Variants in SLC39A11 observed in about 807,000 individuals in gnomAD.
The protein encoded by SLC39A11 is solute carrier family 39 member 11.
Under a neutral mutation model 36.1 loss-of-function variants are expected in SLC39A11, and 33 were observed. That is an observed-to-expected ratio of 0.91 (90% CI 0.69 to 1.22). SLC39A11 has a LOEUF of 1.22. SLC39A11 is among the 50% of genes most tolerant of loss of function. The pLI is 0.00. For missense variants in SLC39A11, 432 were observed against 430.3 expected, an observed-to-expected ratio of 1.00 and a Z score of -0.03; for synonymous variants, 166 against 170.3, an observed-to-expected ratio of 0.97 and a Z score of 0.20.
intron 4 of SLC39A11, among the ~76,000 whole-genome samples, chr17:72,966,664 G>A (rs1168119974): frequency 6.6e-6 from 1 of 152,076 alleles, no homozygotes; most frequent in African/African-American, 2.4e-5. Flanking sequence ...CCACCTCCCG[G>A]GTTCACGCCA....
chr17:72,799,438 G>T (rs2077010278), intron 6 of SLC39A11, among the ~76,000 whole-genome samples: 1 of 152,052 alleles, frequency 6.6e-6, no homozygotes, highest in Non-Finnish European at 1.5e-5. Context: ...TGCCTGTGGG[G>T]TCGGGCAAAA....
At chr17:72,716,274 G>A (rs1417485488) in intron 7 of SLC39A11, among the ~76,000 whole-genome samples, 1 of 152,048 alleles carries the variant, frequency 6.6e-6, no homozygotes, top group African/African-American at 2.4e-5. Flanking sequence ...ACGGAAGAAA[G>A]GAAATTCGTC....
chr17:72,965,434 A>G (rs1421716164), intron 4 of SLC39A11, among the ~76,000 whole-genome samples: 2 of 152,186 alleles, frequency 1.3e-5, no homozygotes, highest in African/African-American at 4.8e-5. Flanking sequence ...CTGCACTTTG[A>G]ATACCTATAC....
intron 5 of SLC39A11, among the ~76,000 whole-genome samples, chr17:72,903,155 A>G (rs1326555471): frequency 6.6e-6 from 1 of 151,846 alleles, no homozygotes; most frequent in Non-Finnish European, 1.5e-5. Context: ...AATCCCAGCT[A>G]CTTGAGGAAC....
At position 73,056,165 on chromosome 17, in the gene SLC39A11, TTTTG is replaced by T. The variant is rs1269530372; in HGVS notation, c.148-24455_148-24452del. Among the ~76,000 whole-genome samples the T allele has an allele frequency of 4.0e-5, 6 of 151,624 alleles. No individual in the cohort carries two copies. In the East Asian group the frequency reaches 7.8e-4, roughly 20 times the overall value. On this transcript the variant is annotated intron_variant, in intron 3 of 9. Transcript: ENST00000255559. ...ATGCCTCTCAGATTGGACTCTGGTTTTTTGTTTGTTTGTTTTTTTTTGAGACGGA... is the reference window on the plus strand; with the variant it reads ...ATGCCTCTCAGATTGGACTCTGGTTTTTTGTTTGTTTTTTTTTGAGACGGA...
chr17:72,721,537 T>A (rs1434704593), intron 7 of SLC39A11, among the ~76,000 whole-genome samples: 2 of 152,298 alleles, frequency 1.3e-5, no homozygotes, highest in East Asian at 3.9e-4. Flanking sequence ...AGCACAGGAC[T>A]GGGCACACAA....
At chr17:73,068,107 AG>A in intron 3 of SLC39A11, 3 of 1,396,982 alleles carry the variant, frequency 2.1e-6, no homozygotes, top group Non-Finnish European at 2.0e-6. Flanking sequence ...TATCTCCCAC[AG>A]CCTTTAGCAA....
At chr17:72,874,971 T>C (rs1032932994) in intron 5 of SLC39A11, among the ~76,000 whole-genome samples, 7 of 152,044 alleles carry the variant, frequency 4.6e-5, no homozygotes, top group African/African-American at 1.7e-4. Flanking sequence ...TGGCTGCAGG[T>C]TGAATAAACT....
At chr17:72,725,708 T>G (rs1269493083) in intron 7 of SLC39A11, 1 of 152,188 alleles carries the variant, frequency 6.6e-6, no homozygotes, top group Non-Finnish European at 1.5e-5. Flanking sequence ...CAAATTCCAC[T>G]GTCTCTTTGT....
chr17:73,068,583 C>T (rs982587129), intron 3 of SLC39A11, among the ~76,000 whole-genome samples: 3 of 152,152 alleles, frequency 2.0e-5, no homozygotes, highest in African/African-American at 7.2e-5. Context: ...TAAGGCAGAA[C>T]GGTGATGCCA....
At chr17:72,764,984 C>T (rs1742751051) in intron 6 of SLC39A11, among the ~76,000 whole-genome samples, 1 of 152,212 alleles carries the variant, frequency 6.6e-6, no homozygotes, top group African/African-American at 2.4e-5. Flanking sequence ...CATTCTTGGG[C>T]TTGGGCCAAG....
intron 5 of SLC39A11, among the ~76,000 whole-genome samples, chr17:72,926,263 TAG>T (rs1555635235): frequency 6.6e-6 from 1 of 152,252 alleles, no homozygotes; most frequent in Non-Finnish European, 1.5e-5. Flanking sequence ...GACAAATATG[TAG>T]AGAGTGAGTT....
chr17:72,912,520 G>T (rs1328540143), intron 5 of SLC39A11, among the ~76,000 whole-genome samples: 3 of 151,026 alleles, frequency 2.0e-5, no homozygotes, highest in African/African-American at 7.3e-5. Flanking sequence ...CTGCAGCCTT[G>T]AATTCCTGGG....
At chr17:73,007,336 A>C (rs2090242805) in intron 4 of SLC39A11, among the ~76,000 whole-genome samples, 2 of 152,262 alleles carry the variant, frequency 1.3e-5, no homozygotes, top group South Asian at 4.1e-4. Context: ...AGGGAGAATA[A>C]CTTGAAACCG....
At chr17:72,975,941 C>T (rs1363586338) in intron 4 of SLC39A11, among the ~76,000 whole-genome samples, 4 of 151,890 alleles carry the variant, frequency 2.6e-5, no homozygotes, top group East Asian at 1.9e-4. Flanking sequence ...GAGGCTGAGG[C>T]GGGTGGATCA....
intron 6 of SLC39A11, among the ~76,000 whole-genome samples, chr17:72,784,224 A>G (rs376238441): frequency 1.7e-4 from 26 of 152,230 alleles, no homozygotes; most frequent in African/African-American, 6.0e-4. Context: ...GCATGCCTGT[A>G]ATCCCAGTTA....
intron 6 of SLC39A11, chr17:72,837,976 G>A: frequency 8.1e-7 from 1 of 1,231,098 alleles, no homozygotes; most frequent in Non-Finnish European, 1.0e-6. Context: ...TTTACAGGGT[G>A]ATGAGAGTAT....
intron 7 of SLC39A11, among the ~76,000 whole-genome samples, chr17:72,679,825 C>T (rs368183098): frequency 1.2e-4 from 18 of 152,130 alleles, no homozygotes; most frequent in East Asian, 5.8e-4. Context: ...GGGCGGATCA[C>T]GAGGCCAAGA....
intron 6 of SLC39A11, among the ~76,000 whole-genome samples, chr17:72,766,996 C>T (rs1598635366): frequency 6.6e-6 from 1 of 152,262 alleles, no homozygotes; most frequent in South Asian, 2.1e-4. Context: ...ATTCCAACCC[C>T]ACTTCTCCCC....
Sources: allele counts gnomAD v4.1 joint callset (sites outside exome capture counted in the v4.1 genomes callset), GRCh38; gene constraint gnomAD v4.1.1; transcripts MANE v1.5; gene names NCBI Gene and HGNC (gene_info 2026-07-23, HGNC 2026-07-21).